The following NME7 variants were observed in gnomAD, a reference collection of about 807,000 sequenced individuals.
NME7 encodes the protein nucleoside diphosphate kinase 7.
In NME7, 41 loss-of-function variants were observed where a neutral mutation model predicts 49.1. That is an observed-to-expected ratio of 0.83 (90% CI 0.65 to 1.08). NME7 has a LOEUF of 1.08. Among genes scored for constraint, NME7 ranks in the 50% least tolerant of loss-of-function variants. The pLI is 0.00. For missense variants in NME7, 423 were observed against 463.4 expected (o/e 0.91, Z 0.80); for synonymous variants, 139 against 150.6 (o/e 0.92, Z 0.56).
chr1:169,140,722 T>C (rs1273589977), intron 11 of NME7, among the ~76,000 whole-genome samples: 2 of 91,156 alleles, frequency 2.2e-5, no homozygotes, highest in African/African-American at 9.3e-5. Context: ...GAACAGTCTA[T>C]CCTTAAAAAA....
chr1:169,270,318 G>A lies in NME7; in HGVS notation c.754+16985C>T, dbSNP rs1649450205. Among the ~76,000 whole-genome samples, 4 of 133,400 alleles carry A rather than the reference G, an allele frequency of 3.0e-5. 1 individual carries two copies. Among genetic ancestry groups the A allele is most frequent in the African/African-American group, 1.0e-4 (4 of 39,480 alleles). The allele number at this position is 133,400 out of a possible 152,430, so 87.5% of individuals were successfully genotyped here. Reference sequence around the variant, plus strand: ...AGACTAAATTGTTTCTCCATTACAAGTATAAAAGCCACTCTCCCAGATTTG... The same window carrying A: ...AGACTAAATTGTTTCTCCATTACAAATATAAAAGCCACTCTCCCAGATTTG... On this transcript the variant is annotated intron_variant, in intron 7 of 11. Transcript: ENST00000367811.
At chr1:169,346,779 A>G (rs1210541283) in intron 1 of NME7, among the ~76,000 whole-genome samples, 2 of 152,230 alleles carry the variant, frequency 1.3e-5, no homozygotes, top group Non-Finnish European at 2.9e-5. Context: ...TCAGATATCT[A>G]TTAAGTATTT....
At chr1:169,344,225 G>A (rs1652878125) in intron 1 of NME7, among the ~76,000 whole-genome samples, 1 of 152,042 alleles carries the variant, frequency 6.6e-6, no homozygotes. Flanking sequence ...ATTAATTTTT[G>A]TGAAATCAAT....
At chr1:169,357,864 C>A (rs1204292657) in intron 1 of NME7, among the ~76,000 whole-genome samples, 2 of 152,030 alleles carry the variant, frequency 1.3e-5, no homozygotes, top group Non-Finnish European at 2.9e-5. Context: ...ATGTTCCCAG[C>A]TAATCCATTT....
intron 7 of NME7, among the ~76,000 whole-genome samples, chr1:169,243,439 TCACATATTATTA>T (rs1280281501): frequency 2.6e-5 from 4 of 152,190 alleles, no homozygotes; most frequent in African/African-American, 9.6e-5. Context: ...TGTAAGCTAG[TCACATATTATTA>T]CACATAATCC....
At chr1:169,188,885 T>C (rs1660145138) in intron 10 of NME7, among the ~76,000 whole-genome samples, 1 of 152,178 alleles carries the variant, frequency 6.6e-6, no homozygotes, top group African/African-American at 2.4e-5. Context: ...GTGTCTTCAT[T>C]TGAGATCCAT....
chr1:169,243,041 A>G (rs1648158640), intron 7 of NME7, among the ~76,000 whole-genome samples: 2 of 152,152 alleles, frequency 1.3e-5, no homozygotes, highest in South Asian at 4.1e-4. Context: ...AGCAATAGAT[A>G]AGATTATTCT....
intron 1 of NME7, among the ~76,000 whole-genome samples, chr1:169,332,197 T>A (rs2101948385): frequency 6.6e-6 from 1 of 152,060 alleles, no homozygotes. Flanking sequence ...TCAACAAAAG[T>A]GCAAACAAGA....
chr1:169,183,060 T>C (rs898724769), intron 10 of NME7, among the ~76,000 whole-genome samples: 1 of 152,232 alleles, frequency 6.6e-6, no homozygotes, highest in Non-Finnish European at 1.5e-5. Context: ...CTCTAATCCA[T>C]AGCTCTGAAA....
chr1:169,343,120 G>C (rs541874198), intron 1 of NME7, among the ~76,000 whole-genome samples: 2 of 150,294 alleles, frequency 1.3e-5, no homozygotes, highest in Non-Finnish European at 3.0e-5. Context: ...TTTTTTGTTG[G>C]GGAGGGAATG....
chr1:169,167,395 CTCA>C (rs1659447204), intron 11 of NME7, among the ~76,000 whole-genome samples: 1 of 151,852 alleles, frequency 6.6e-6, no homozygotes, highest in African/African-American at 2.4e-5. Flanking sequence ...AAACATAATA[CTCA>C]TTAAAATAAA....
intron 11 of NME7, among the ~76,000 whole-genome samples, chr1:169,164,697 C>T (rs758648535): frequency 4.6e-5 from 7 of 152,094 alleles, no homozygotes; most frequent in African/African-American, 1.7e-4. Context: ...TGTAAACATG[C>T]GTATTATTTC....
chr1:169,214,683 T>C (rs886299942), intron 10 of NME7, among the ~76,000 whole-genome samples: 6 of 152,226 alleles, frequency 3.9e-5, no homozygotes, highest in African/African-American at 7.2e-5. Context: ...ATGAGACCCA[T>C]GACAGCGGTG....
At chr1:169,348,710 C>T (rs1164003412) in intron 1 of NME7, among the ~76,000 whole-genome samples, 1 of 152,036 alleles carries the variant, frequency 6.6e-6, no homozygotes, top group Non-Finnish European at 1.5e-5. Flanking sequence ...TTCACAAATA[C>T]CCTCAATTTT....
At chr1:169,333,220 A>G (rs1400644232) in intron 1 of NME7, among the ~76,000 whole-genome samples, 1 of 152,188 alleles carries the variant, frequency 6.6e-6, no homozygotes, top group Non-Finnish European at 1.5e-5. Flanking sequence ...GACAAACATC[A>G]CATGTTCTCA....
chr1:169,290,969 C>A (rs975560437), intron 6 of NME7, among the ~76,000 whole-genome samples: 1 of 152,290 alleles, frequency 6.6e-6, no homozygotes, highest in Admixed American at 6.5e-5. Flanking sequence ...GATACCATCT[C>A]ATGCCAGTTA....
intron 3 of NME7, among the ~76,000 whole-genome samples, chr1:169,311,623 A>G (rs1373578827): frequency 6.6e-6 from 1 of 152,100 alleles, no homozygotes; most frequent in Non-Finnish European, 1.5e-5. Context: ...AACACACTTA[A>G]AACTCTTCAC....
intron 10 of NME7, among the ~76,000 whole-genome samples, chr1:169,207,362 C>A (rs977391664): frequency 6.6e-6 from 1 of 152,120 alleles, no homozygotes; most frequent in Non-Finnish European, 1.5e-5. Context: ...TGCTGAGAAT[C>A]ACATTTCAAT....
chr1:169,312,932 T>C (rs1168456422), intron 3 of NME7, among the ~76,000 whole-genome samples: 3 of 152,178 alleles, frequency 2.0e-5, no homozygotes, highest in African/African-American at 7.2e-5. Context: ...AAAGTAAACC[T>C]ATTCTAAACA....
Sources: gnomAD v4.1 joint callset for allele counts (sites outside exome capture counted in the v4.1 genomes callset) on GRCh38, gnomAD v4.1.1 for gene constraint, MANE v1.5 for transcripts, NCBI Gene and HGNC (gene_info 2026-07-23, HGNC 2026-07-21) for gene names.